Variants in PRKCE observed in about 807,000 individuals in gnomAD.
PRKCE encodes the protein protein kinase C epsilon type.
A neutral mutation model predicts 85.4 loss-of-function variants in PRKCE; 16 were observed. The ratio of observed to expected loss-of-function variants is 0.19; its 90% CI spans 0.13 to 0.28. The LOEUF is 0.28. PRKCE is among the 10% of genes least tolerant of loss of function. The probability of loss-of-function intolerance (pLI) is 1.00; values close to 1 mark genes in which losing one functional copy is unlikely to be tolerated. For missense variants in PRKCE, 573 were observed against 975.2 expected, an observed-to-expected ratio of 0.59 and a Z score of 5.49; for synonymous variants, 388 against 371.5, an observed-to-expected ratio of 1.04 and a Z score of -0.51.
intron 10 of PRKCE, among the ~76,000 whole-genome samples, chr2:46,037,201 C>A (rs998539840): frequency 2.0e-5 from 3 of 152,228 alleles, no homozygotes; most frequent in Non-Finnish European, 4.4e-5. Flanking sequence ...AATTCTCTTT[C>A]CGCCTTTCTG....
At chr2:45,839,399 A>G (rs189023936) in intron 1 of PRKCE, among the ~76,000 whole-genome samples, 3 of 152,200 alleles carry the variant, frequency 2.0e-5, no homozygotes, top group Admixed American at 2.0e-4. Flanking sequence ...AAAGAGAATC[A>G]TAGTCAAAGA....
intron 11 of PRKCE, among the ~76,000 whole-genome samples, chr2:46,109,820 G>C (rs964170004): frequency 6.6e-6 from 1 of 152,062 alleles, no homozygotes; most frequent in Non-Finnish European, 1.5e-5. Flanking sequence ...CATTAAGTAT[G>C]ATATTAACAG....
chr2:45,933,279 T>C (rs1249044135), intron 2 of PRKCE, among the ~76,000 whole-genome samples: 1 of 152,198 alleles, frequency 6.6e-6, no homozygotes, highest in African/African-American at 2.4e-5. Context: ...TACCTTGTAG[T>C]TCCTTAAGAG....
intron 2 of PRKCE, among the ~76,000 whole-genome samples, chr2:45,880,924 C>A (rs1186384667): frequency 6.6e-6 from 1 of 152,000 alleles, no homozygotes; most frequent in African/African-American, 2.4e-5. Context: ...GAGGCCGAGG[C>A]GGGCGGATCA....
intron 1 of PRKCE, among the ~76,000 whole-genome samples, chr2:45,758,867 C>T (rs527462906): frequency 6.6e-6 from 1 of 152,278 alleles, no homozygotes; most frequent in East Asian, 1.9e-4. Context: ...GCCTCAGCCT[C>T]CTCACCTGTA....
At chr2:45,757,472 G>C (rs1157814326) in intron 1 of PRKCE, among the ~76,000 whole-genome samples, 1 of 152,050 alleles carries the variant, frequency 6.6e-6, no homozygotes, top group Non-Finnish European at 1.5e-5. Flanking sequence ...TTTAAAACCA[G>C]TCTGGGCAAC....
Position 46,032,241 on chromosome 2 carries a change from T to C in PRKCE, c.1437+21724T>C, listed in dbSNP as rs1231032150. 9.2e-5 allele frequency among the ~76,000 whole-genome samples: 14 copies of C among 151,594 alleles called. No homozygotes were observed. The Admixed American group carries it at 9.2e-4, about 10-fold the overall frequency. ...CAGGCAGGGTCCTGGGATATCTTTC[T>C]TTGACAGATGAGGAAATAGGCACAA... On this transcript the variant is annotated intron_variant, in intron 10 of 14. Transcript: ENST00000306156.
At chr2:45,680,550 C>T (rs1676807822) in intron 1 of PRKCE, among the ~76,000 whole-genome samples, 1 of 152,152 alleles carries the variant, frequency 6.6e-6, no homozygotes, top group African/African-American at 2.4e-5. Flanking sequence ...CATGGTGAAC[C>T]AAACGGGGAA....
chr2:45,861,298 A>G (rs1573643447), intron 2 of PRKCE, among the ~76,000 whole-genome samples: 1 of 152,158 alleles, frequency 6.6e-6, no homozygotes, highest in Admixed American at 6.5e-5. Context: ...GAAAAAGTGC[A>G]TGGTGATTTT....
At chr2:46,151,345 C>A (rs1179957781) in intron 13 of PRKCE, 116 bp downstream of exon 13, 11 of 1,096,024 alleles carry the variant, frequency 1.0e-5, no homozygotes, top group Non-Finnish European at 1.4e-5. Context: ...CTTTCTCTGT[C>A]CAGCTTTCTC....
At chr2:45,743,396 C>T (rs984894710) in intron 1 of PRKCE, among the ~76,000 whole-genome samples, 1 of 152,124 alleles carries the variant, frequency 6.6e-6, no homozygotes, top group Non-Finnish European at 1.5e-5. Flanking sequence ...GTCAATTATA[C>T]CTCAATAAAG....
chr2:45,982,134 C>A (rs1445062733), intron 5 of PRKCE, among the ~76,000 whole-genome samples: 6 of 152,236 alleles, frequency 3.9e-5, no homozygotes, highest in Non-Finnish European at 8.8e-5. Context: ...AGTTGACTCC[C>A]AGTCCTGGCT....
At chr2:45,883,393 CCCTGCTGCT>C in intron 2 of PRKCE, among the ~76,000 whole-genome samples, 1 of 152,330 alleles carries the variant, frequency 6.6e-6, no homozygotes, top group Admixed American at 6.5e-5. Flanking sequence ...CCATTATAGC[CCCTGCTGCT>C]GGCTCAGCTG....
intron 1 of PRKCE, among the ~76,000 whole-genome samples, chr2:45,745,777 T>C (rs544022902): frequency 9.2e-5 from 14 of 151,976 alleles, no homozygotes; most frequent in Non-Finnish European, 1.9e-4. Context: ...ATCTGAACAG[T>C]GGTGAGGTGG....
intron 2 of PRKCE, among the ~76,000 whole-genome samples, chr2:45,878,605 C>A (rs62127248): frequency 6.6e-6 from 1 of 152,002 alleles, no homozygotes; most frequent in African/African-American, 2.4e-5. Flanking sequence ...TATTTTACTG[C>A]GTTAAAGAAG....
chr2:45,730,539 G>A (rs917977339), intron 1 of PRKCE, among the ~76,000 whole-genome samples: 10 of 149,458 alleles, frequency 6.7e-5, no homozygotes, highest in East Asian at 2.0e-4. Context: ...GGCTCACTGC[G>A]ACTTCTGCCT....
chr2:45,979,060 G>C, intron 4 of PRKCE, 50 bp downstream of exon 4: 1 of 1,553,594 alleles, frequency 6.4e-7, no homozygotes, highest in Non-Finnish European at 8.8e-7. Flanking sequence ...GTTAGATCCA[G>C]ATCACTGGCA....
intron 2 of PRKCE, among the ~76,000 whole-genome samples, chr2:45,938,712 C>G (rs1243652788): frequency 3.5e-5 from 5 of 144,218 alleles, no homozygotes; most frequent in African/African-American, 7.6e-5. Context: ...TATTCAGCAA[C>G]TCTTAGAACA....
At chr2:45,692,162 A>G (rs1261694503) in intron 1 of PRKCE, among the ~76,000 whole-genome samples, 1 of 152,184 alleles carries the variant, frequency 6.6e-6, no homozygotes, top group Non-Finnish European at 1.5e-5. Context: ...GGTAAATAAG[A>G]TGCAGCTCCC....
Sources: gnomAD v4.1 joint callset for allele counts (sites outside exome capture counted in the v4.1 genomes callset) on GRCh38, gnomAD v4.1.1 for gene constraint, MANE v1.5 for transcripts, NCBI Gene and HGNC (gene_info 2026-07-23, HGNC 2026-07-21) for gene names.